The following CS variants were observed in gnomAD, a reference collection of about 807,000 sequenced individuals.
CS encodes citrate synthase.
In CS, 13 loss-of-function variants were observed where a neutral mutation model predicts 61.4. That is an observed-to-expected ratio of 0.21 (90% CI 0.14 to 0.34). The LOEUF is 0.34. Among genes scored for constraint, CS ranks in the 10% least tolerant of loss-of-function variants. The pLI, the probability that CS is intolerant of heterozygous loss-of-function variation, is 1.00. For missense variants in CS, 278 were observed against 573.4 expected (o/e 0.48, Z 5.26); for synonymous variants, 159 against 215.2 (o/e 0.74, Z 2.29).
At chr12:56,300,061 G>T in intron 1 of CS, 99 bp downstream of exon 1, 2 of 1,210,180 alleles carry the variant, frequency 1.7e-6, no homozygotes, top group Non-Finnish European at 2.3e-6. Flanking sequence ...AAGGCGCGCA[G>T]GGTGCGCACG....
intron 6 of CS, among the ~76,000 whole-genome samples, chr12:56,279,751 G>A (rs1872718522): frequency 6.6e-6 from 1 of 150,874 alleles, no homozygotes. Context: ...GGGCAACAGA[G>A]CGAGACTCCA....
At chr12:56,275,790 T>C in intron 7 of CS, 1 of 591,740 alleles carries the variant, frequency 1.7e-6, no homozygotes, top group Non-Finnish European at 3.0e-6. Context: ...CACCATCTTG[T>C]TCTTAGCATG....
intron 1 of CS, among the ~76,000 whole-genome samples, chr12:56,287,413 C>T (rs1328989692): frequency 8.0e-6 from 1 of 125,584 alleles, no homozygotes; most frequent in Non-Finnish European, 1.6e-5. Flanking sequence ...ACCTTGGAGG[C>T]AGAGGTTGCA....
chr12:56,283,049 T>A, intron 4 of CS, 58 bp from the exon 5 acceptor site: 1 of 1,591,594 alleles, frequency 6.3e-7, no homozygotes, highest in Non-Finnish European at 8.6e-7. Flanking sequence ...GTCACACGAC[T>A]GGTCTTACTC....
At chr12:56,294,808 G>A (rs1873244517) in intron 1 of CS, among the ~76,000 whole-genome samples, 1 of 150,182 alleles carries the variant, frequency 6.7e-6, no homozygotes, top group Non-Finnish European at 1.5e-5. Context: ...TCACTCTATT[G>A]CCCAGGCTGG....
At chr12:56,297,103 T>C (rs2135927738) in intron 1 of CS, among the ~76,000 whole-genome samples, 1 of 152,326 alleles carries the variant, frequency 6.6e-6, no homozygotes, top group South Asian at 2.1e-4. Flanking sequence ...ATCTTTGAAT[T>C]GATTTACTCA....
At chr12:56,289,433 A>T (rs12370443) in intron 1 of CS, among the ~76,000 whole-genome samples, 24 of 149,802 alleles carry the variant, frequency 1.6e-4, no homozygotes, top group South Asian at 6.6e-4. Flanking sequence ...ATTTTTTTTT[A>T]AATTTAATTT....
intron 6 of CS, among the ~76,000 whole-genome samples, chr12:56,277,856 C>T (rs1382889771): frequency 2.0e-5 from 3 of 151,594 alleles, no homozygotes; most frequent in South Asian, 2.1e-4. Context: ...CTTGAACTCC[C>T]GACCTCAGGT....
chr12:56,280,681 C>A (rs1279083112), intron 6 of CS, among the ~76,000 whole-genome samples: 1 of 151,644 alleles, frequency 6.6e-6, no homozygotes, highest in African/African-American at 2.4e-5. Context: ...CCATTTCACT[C>A]CAGCCTGGGT....
chr12:56,276,253 A>G (rs1872621475), intron 6 of CS, 58 bp from the exon 7 acceptor site: 1 of 1,537,668 alleles, frequency 6.5e-7, no homozygotes, highest in South Asian at 1.1e-5. Flanking sequence ...AAGAAGAATT[A>G]GGCAGGGATA....
chr12:56,276,457 C>T (rs1222933556), intron 6 of CS, among the ~76,000 whole-genome samples: 1 of 152,176 alleles, frequency 6.6e-6, no homozygotes, highest in Non-Finnish European at 1.5e-5. Context: ...ATGCTTACTA[C>T]TACAAAGTAT....
intron 1 of CS, among the ~76,000 whole-genome samples, chr12:56,299,631 T>G (rs535730362): frequency 2.6e-5 from 4 of 152,218 alleles, no homozygotes; most frequent in Non-Finnish European, 5.9e-5. Context: ...CCCACTCTTG[T>G]GCTCGGCGTG....
chr12:56,286,528 ATCC>A, intron 2 of CS, 64 bp downstream of exon 2: 1 of 1,482,226 alleles, frequency 6.7e-7, no homozygotes, highest in Admixed American at 1.7e-5. Flanking sequence ...TGGTTGCCAA[ATCC>A]TCTGCCCCAA....
At chr12:56,283,065 A>G in intron 4 of CS, 74 bp from the exon 5 acceptor site, 3 of 1,523,552 alleles carry the variant, frequency 2.0e-6, no homozygotes, top group Non-Finnish European at 1.8e-6. Flanking sequence ...TACTCATCAG[A>G]CCTTACAACA....
Position 56,282,979 on chromosome 12 carries a change from G to C in CS, c.280C>G (p.Arg94Gly). Residue 94 changes from arginine (R) to glycine (G), a missense_variant, in exon 5 of 11, where the codon CGA (arginine) becomes GGA (glycine). Arg to Gly is a moderately radical substitution (Grantham distance 125). Transcript: ENST00000351328. ...VLDPDEGIRFRGFSIPECQKL... is the reference protein window; with the variant it reads ...VLDPDEGIRFGGFSIPECQKL... ...TGGCATTCAGGGATACTAAAGCCTC[G>C]GAAACGGATGCCCTTGAGAGAGGAG... is the stretch of plus-strand genomic sequence containing the variant. 1 of 1,614,106 alleles carries C rather than the reference G, an allele frequency of 6.2e-7. No homozygotes were observed. Among genetic ancestry groups the C allele is most frequent in the Non-Finnish European group, 8.5e-7 (1 of 1,180,016 alleles).
intron 1 of CS, among the ~76,000 whole-genome samples, chr12:56,296,324 G>A (rs913379320): frequency 2.0e-5 from 3 of 151,992 alleles, no homozygotes; most frequent in East Asian, 1.9e-4. Context: ...TTAGCCAGGC[G>A]TGGCTGTGCG....
chr12:56,299,589 A>C (rs1481611401), intron 1 of CS, among the ~76,000 whole-genome samples: 1 of 152,210 alleles, frequency 6.6e-6, no homozygotes, highest in East Asian at 1.9e-4. Context: ...AAAGTGCAAG[A>C]GTCCCAAGGA....
chr12:56,276,978 TC>T (rs1040207347), intron 6 of CS, among the ~76,000 whole-genome samples: 24 of 152,110 alleles, frequency 1.6e-4, no homozygotes, highest in African/African-American at 5.8e-4. Flanking sequence ...GGCTGGCAGA[TC>T]ATTTGAGGTC....
At chr12:56,284,319 C>CAAAAAAAAAAAAAA (rs57352870) in intron 3 of CS, among the ~76,000 whole-genome samples, 2 of 73,362 alleles carry the variant, frequency 2.7e-5, no homozygotes, top group Admixed American at 1.6e-4. Context: ...AACTCCATCT[C>CAAAAAAAAAAAAAA]AAAAAAAAAA....
Sources: gnomAD v4.1 joint callset for allele counts (sites outside exome capture counted in the v4.1 genomes callset) on GRCh38, gnomAD v4.1.1 for gene constraint, MANE v1.5 for transcripts, NCBI Gene and HGNC (gene_info 2026-07-23, HGNC 2026-07-21) for gene names.